PRDM16: variants seen among roughly 807,000 people sequenced by gnomAD.
The protein encoded by PRDM16 is PR/SET domain 16, also known as histone-lysine N-methyltransferase PRDM16.
PRDM16 carries 23 observed loss-of-function variants against 110.6 expected under a neutral mutation model. The ratio of observed to expected loss-of-function variants is 0.21; its 90% CI spans 0.15 to 0.29. The LOEUF (loss-of-function observed/expected upper bound fraction) is 0.29, where lower values mean the gene tolerates loss of function less well. Among genes scored for constraint, PRDM16 ranks in the 10% least tolerant of loss-of-function variants. PRDM16 has a pLI of 1.00. For missense variants in PRDM16, 1,615 were observed against 1,794.3 expected, an observed-to-expected ratio of 0.90 and a Z score of 1.81; for synonymous variants, 799 against 781.8, an observed-to-expected ratio of 1.02 and a Z score of -0.37.
chr1:3,274,481 G>T (rs1246071022), intron 3 of PRDM16, among the ~76,000 whole-genome samples: 1 of 152,202 alleles, frequency 6.6e-6, no homozygotes, highest in Non-Finnish European at 1.5e-5. Context: ...CTCTTAGCCG[G>T]CTGCGGAAGG....
intron 14 of PRDM16, among the ~76,000 whole-genome samples, chr1:3,428,077 T>C (rs1270718442): frequency 6.6e-6 from 1 of 152,164 alleles, no homozygotes; most frequent in Admixed American, 6.5e-5. Flanking sequence ...ATGGCATCCT[T>C]GCCGGGGTGG....
At chr1:3,074,197 A>C (rs1290893255) in intron 1 of PRDM16, among the ~76,000 whole-genome samples, 1 of 152,040 alleles carries the variant, frequency 6.6e-6, no homozygotes, top group Admixed American at 6.5e-5. Flanking sequence ...TCCTCCCTTC[A>C]CTGACCCTGG....
rs776279865 is a variant in PRDM16, at chr1:3,430,972, G to T, written c.3385G>T (p.Asp1129Tyr). ...GGAGGACGACGATGACCTGGAGGAG[G>T]ACGATGAGGACAGCCTGGCCGGGAA... ...EEEDDDDLEE[D>Y]DEDSLAGKSQ... Residue 1129 changes from aspartate to tyrosine, a missense_variant, in exon 15 of 17, where the codon GAC becomes TAC. Physicochemically the swap from Asp to Tyr is radical, Grantham distance 160. Coordinates refer to ENST00000270722, the MANE Select transcript of PRDM16 (RefSeq NM_022114.4). 7 of 1,611,562 alleles carry T rather than the reference G, an allele frequency of 4.3e-6. No homozygotes were observed. In the Admixed American group the frequency reaches 1.2e-4, roughly 27 times the overall value.
At position 3,294,664 on chromosome 1, in the gene PRDM16, C is replaced by T. The variant is rs181760094; in HGVS notation, c.438+50527C>T. ...CCTCCCCTTCAGCCAGCGCCATCCT[C>T]TGTCCCCCAGGCCTCGCGGGCTGGG... is the stretch of plus-strand genomic sequence containing the variant. On this transcript the variant is annotated intron_variant, in intron 3 of 16. Transcript: ENST00000270722. 4.1e-3 allele frequency among the ~76,000 whole-genome samples: 626 copies of T among 152,314 alleles called. 6 individuals are homozygous for T. Among genetic ancestry groups the T allele is most frequent in the Admixed American group, 0.016 (250 of 15,296 alleles).
chr1:3,296,468 A>C (rs1177145432), intron 3 of PRDM16, among the ~76,000 whole-genome samples: 5 of 152,226 alleles, frequency 3.3e-5, no homozygotes, highest in Non-Finnish European at 5.9e-5. Context: ...GGAGCCTGTC[A>C]CTCAGTGGAG....
intron 1 of PRDM16, among the ~76,000 whole-genome samples, chr1:3,114,356 G>GCA (rs147799839): frequency 1.1e-4 from 13 of 120,920 alleles, no homozygotes; most frequent in Non-Finnish European, 2.1e-4. Flanking sequence ...ATGCACACAT[G>GCA]CACACACGCA....
intron 3 of PRDM16, among the ~76,000 whole-genome samples, chr1:3,366,224 C>A (rs1642811934): frequency 6.6e-6 from 1 of 152,238 alleles, no homozygotes; most frequent in Non-Finnish European, 1.5e-5. Context: ...TGCCACTGAG[C>A]ACGACCATGA....
At position 3,435,171 on chromosome 1, in the gene PRDM16, C is replaced by T. The variant is rs1317118267; in HGVS notation, c.*1360C>T. ...GGGCTTTAAATTATTCCCATAGGGG[C>T]CAATTTCAAATAATAATTTTTTTCC... On this transcript the variant is annotated 3_prime_UTR_variant, in exon 17 of 17. Coordinates refer to ENST00000270722, the MANE Select transcript of PRDM16 (RefSeq NM_022114.4). 1 of 224,818 alleles carries T rather than the reference C, an allele frequency of 4.4e-6. No homozygotes were observed. The highest frequency in any genetic ancestry group is 2.2e-5 in the African/African-American group (1 of 44,928). 13.9% of individuals were successfully genotyped at this position (224,818 alleles called of 1,614,324 possible).
intron 3 of PRDM16, among the ~76,000 whole-genome samples, chr1:3,291,556 TC>T (rs1441473072): frequency 6.6e-6 from 1 of 151,276 alleles, no homozygotes; most frequent in African/African-American, 2.4e-5. Context: ...AACTCAGAGC[TC>T]CACACTCCTC....
intron 3 of PRDM16, among the ~76,000 whole-genome samples, chr1:3,289,764 C>T (rs914277189): frequency 3.9e-5 from 6 of 152,190 alleles, no homozygotes; most frequent in Admixed American, 3.9e-4. Flanking sequence ...GCCTTCACAG[C>T]TGCTATGCCT....
At chr1:3,336,808 TG>T (rs1642166294) in intron 3 of PRDM16, among the ~76,000 whole-genome samples, 1 of 148,910 alleles carries the variant, frequency 6.7e-6, no homozygotes, top group South Asian at 2.1e-4. Context: ...ACATGTGTGT[TG>T]GAGTGAGTCT....
intron 1 of PRDM16, among the ~76,000 whole-genome samples, chr1:3,119,905 G>C (rs796440899): frequency 3.9e-5 from 6 of 152,264 alleles, no homozygotes; most frequent in African/African-American, 1.4e-4. Flanking sequence ...CAGCCCCCAG[G>C]ATCCCTGCGG....
intron 6 of PRDM16, among the ~76,000 whole-genome samples, chr1:3,403,876 C>A (rs1643515033): frequency 6.6e-6 from 1 of 152,224 alleles, no homozygotes; most frequent in Non-Finnish European, 1.5e-5. Flanking sequence ...CCGCCCATCC[C>A]CGCACCGCTC....
chr1:3,266,638 C>G (rs906092915), intron 3 of PRDM16, among the ~76,000 whole-genome samples: 17 of 152,248 alleles, frequency 1.1e-4, no homozygotes, highest in African/African-American at 3.1e-4. Context: ...CGCTCCCACG[C>G]TCCAGCAGAC....
intron 3 of PRDM16, among the ~76,000 whole-genome samples, chr1:3,261,923 G>C (rs76544063): frequency 0.079 from 12,022 of 152,324 alleles, 640 homozygotes; most frequent in Middle Eastern, 0.17. Context: ...AGAAAGGAAA[G>C]AGCTGTCATC....
At chr1:3,249,909 A>C (rs2100214073) in intron 3 of PRDM16, among the ~76,000 whole-genome samples, 1 of 152,358 alleles carries the variant, frequency 6.6e-6, no homozygotes, top group South Asian at 2.1e-4. Context: ...CATGGAAACT[A>C]AGTATTCCTA....
chr1:3,122,989 G>A (rs893623680), intron 1 of PRDM16, among the ~76,000 whole-genome samples: 2 of 152,170 alleles, frequency 1.3e-5, no homozygotes, highest in African/African-American at 2.4e-5. Flanking sequence ...TCAGGGCAGC[G>A]GTGTGCAAGG....
chr1:3,125,522 G>A (rs527704809), intron 1 of PRDM16, among the ~76,000 whole-genome samples: 2 of 152,382 alleles, frequency 1.3e-5, no homozygotes, highest in African/African-American at 4.8e-5. Context: ...CGGGACACAC[G>A]CTCTGAAGCA....
At chr1:3,284,735 T>C (rs1424580477) in intron 3 of PRDM16, among the ~76,000 whole-genome samples, 2 of 152,216 alleles carry the variant, frequency 1.3e-5, no homozygotes, top group Admixed American at 1.3e-4. Flanking sequence ...GTGTTGCTTC[T>C]AGAAACGGCC....
Sources: gnomAD v4.1 joint callset for allele counts (sites outside exome capture counted in the v4.1 genomes callset) on GRCh38, gnomAD v4.1.1 for gene constraint, MANE v1.5 for transcripts, NCBI Gene and HGNC (gene_info 2026-07-23, HGNC 2026-07-21) for gene names.